Variants in FBRSL1 observed in about 807,000 individuals in gnomAD.
The protein encoded by FBRSL1 is fibrosin like 1.
Under a neutral mutation model 89.6 loss-of-function variants are expected in FBRSL1, and 51 were observed. The observed-to-expected ratio is 0.57, with a 90% CI of 0.45 to 0.72. The LOEUF is 0.72. Ranked by LOEUF, FBRSL1 falls within the 30% of genes least tolerant of loss-of-function variation. The pLI is 0.00. For synonymous variants in FBRSL1, 779 were observed against 681.1 expected (o/e 1.14, Z -2.24); for missense variants, 1,618 against 1,451.8 (o/e 1.11, Z -1.86).
intron 15 of FBRSL1, among the ~76,000 whole-genome samples, chr12:132,577,546 T>C (rs1299119030): frequency 6.6e-6 from 1 of 152,008 alleles, no homozygotes; most frequent in East Asian, 1.9e-4. Flanking sequence ...TGGCCTGTAC[T>C]GTCCTCAGTA....
chr12:132,509,937 G>C (rs945195880), intron 2 of FBRSL1: 2 of 1,230,798 alleles, frequency 1.6e-6, no homozygotes, highest in Non-Finnish European at 2.0e-6. Context: ...GTGTCAGTAC[G>C]GCCAGCCCCG....
chr12:132,583,495 A>ACCTGCCG lies in FBRSL1; in HGVS notation c.2729_2735dup (p.Pro915ArgfsTer113). ...GAGCTGGAGCGCGCGCGGGCCCCGC[A>ACCTGCCG]CCTGCCGCCCGCCGCCCCCGCCTTG... On this transcript the variant is annotated frameshift_variant, in exon 19 of 19. Transcript: ENST00000680143. LOFTEE classifies it high-confidence loss of function. The ACCTGCCG allele has an allele frequency of 9.6e-7, 1 of 1,044,040 alleles. No homozygotes were observed. Among genetic ancestry groups the ACCTGCCG allele is most frequent in the Non-Finnish European group, 1.2e-6 (1 of 868,248 alleles). The allele number at this position is 1,044,040 out of a possible 1,614,324, so 64.7% of individuals were successfully genotyped here. A position where few individuals can be genotyped will look rare whatever the true frequency, so the allele number is the denominator to read the frequency against.
chr12:132,538,909 G>C (rs776815560), intron 4 of FBRSL1, among the ~76,000 whole-genome samples: 4 of 152,174 alleles, frequency 2.6e-5, no homozygotes, highest in African/African-American at 4.8e-5. Flanking sequence ...CGAGAGGAAG[G>C]TGGGCCTCAG....
intron 2 of FBRSL1, among the ~76,000 whole-genome samples, chr12:132,522,971 C>T (rs908206038): frequency 9.2e-5 from 14 of 152,214 alleles, no homozygotes; most frequent in Admixed American, 2.6e-4. Flanking sequence ...CTGCCCAGAA[C>T]GGTACCTGGC....
chr12:132,543,214 C>G (rs2037411820), intron 4 of FBRSL1, among the ~76,000 whole-genome samples: 1 of 152,236 alleles, frequency 6.6e-6, no homozygotes, highest in Non-Finnish European at 1.5e-5. Context: ...CTGCCACGCA[C>G]GTTGCCTCCT....
chr12:132,542,390 C>T (rs1165723994), intron 4 of FBRSL1, among the ~76,000 whole-genome samples: 1 of 152,232 alleles, frequency 6.6e-6, no homozygotes, highest in African/African-American at 2.4e-5. Context: ...CCATCCTGCC[C>T]ACACCTTGCC....
At chr12:132,562,248 T>G (rs575600573) in intron 5 of FBRSL1, among the ~76,000 whole-genome samples, 14 of 152,148 alleles carry the variant, frequency 9.2e-5, no homozygotes, top group Admixed American at 3.9e-4. Context: ...TGCCCCAACC[T>G]CCAGGCCCCC....
intron 4 of FBRSL1, among the ~76,000 whole-genome samples, chr12:132,538,067 C>T (rs1304781107): frequency 6.6e-6 from 1 of 152,160 alleles, no homozygotes; most frequent in Non-Finnish European, 1.5e-5. Context: ...ACCCAGATCC[C>T]TGGTCAGAGT....
Position 132,549,519 on chromosome 12 carries a change from C to T in FBRSL1, c.645+1487C>T, listed in dbSNP as rs1033538295. Among the ~76,000 whole-genome samples, 8 of 152,350 alleles carry T rather than the reference C, an allele frequency of 5.3e-5. No individual in the cohort carries two copies. The South Asian group carries it at 1.0e-3, about 20-fold the overall frequency. ...AAATAGCCACTCACCCCCTCCCCAC[C>T]TCCTTTCATTTAAAAGCAGTTTTTG... On this transcript the variant is annotated intron_variant, in intron 5 of 18. Transcript: ENST00000680143.
At chr12:132,503,972 GC>G (rs2033356631) in intron 1 of FBRSL1, among the ~76,000 whole-genome samples, 2 of 152,006 alleles carry the variant, frequency 1.3e-5, no homozygotes, top group Admixed American at 6.6e-5. Context: ...TCAGCCCCCT[GC>G]CCCCATGGAG....
At chr12:132,495,634 G>A (rs563829528) in intron 1 of FBRSL1, among the ~76,000 whole-genome samples, 43 of 152,320 alleles carry the variant, frequency 2.8e-4, no homozygotes, top group Non-Finnish European at 5.7e-4. Context: ...GAGCTGAGCC[G>A]GGGCCTGCCC....
At position 132,517,682 on chromosome 12, in the gene FBRSL1, G is replaced by A. The variant is rs116994631; in HGVS notation, c.490-8052G>A. Among the ~76,000 whole-genome samples the A allele has an allele frequency of 2.2e-4, 34 of 152,314 alleles. 1 individual carries two copies. The East Asian group carries it at 6.0e-3, about 27-fold the overall frequency. On this transcript the variant is annotated intron_variant, in intron 2 of 18. Coordinates refer to ENST00000680143, the MANE Select transcript of FBRSL1 (RefSeq NM_001367871.1). ...GGTGTAGCCACCCAGGCCTCTGGTG[G>A]CGTGTGCCTGAGGAGCCGAGCGGGC... is the stretch of plus-strand genomic sequence containing the variant.
chr12:132,545,567 G>C (rs1355483286), intron 4 of FBRSL1, among the ~76,000 whole-genome samples: 4 of 152,162 alleles, frequency 2.6e-5, no homozygotes, highest in African/African-American at 9.7e-5. Context: ...TCGCCTGTGT[G>C]GTCAGCCTGG....
rs1434485599 is a variant in FBRSL1 at position 132,510,967 on chromosome 12, GA to G, written c.489+2618del. Reference sequence around the variant, plus strand: ...GCGTGCTGTGTGTGCATGTGTGCGAGAGGGTGTGAGAGTGAGTGGCGTGCTG... The same window carrying G: ...GCGTGCTGTGTGTGCATGTGTGCGAGGGGTGTGAGAGTGAGTGGCGTGCTG... On this transcript the variant is annotated intron_variant, in intron 2 of 18. Transcript: ENST00000680143. 3 of 989,348 alleles carry G rather than the reference GA, an allele frequency of 3.0e-6. No individual in the cohort carries two copies. In the African/African-American group the frequency reaches 5.2e-5, roughly 17 times the overall value. The allele number at this position is 989,348 out of a possible 1,614,324, so 61.3% of individuals were successfully genotyped here. A position where few individuals can be genotyped will look rare whatever the true frequency, so the allele number is the denominator to read the frequency against.
At chr12:132,527,365 T>C (rs1210660396) in intron 3 of FBRSL1, among the ~76,000 whole-genome samples, 1 of 152,174 alleles carries the variant, frequency 6.6e-6, no homozygotes, top group Admixed American at 6.5e-5. Context: ...GGCGTCCCTG[T>C]GGGAGCCTCC....
intron 5 of FBRSL1, among the ~76,000 whole-genome samples, chr12:132,566,954 C>T (rs2039670021): frequency 6.6e-6 from 1 of 152,246 alleles, no homozygotes. Flanking sequence ...GCGAGGTGCC[C>T]TGCAGCCTTG....
At chr12:132,509,794 C>G in intron 2 of FBRSL1, 4 of 1,231,474 alleles carry the variant, frequency 3.2e-6, no homozygotes, top group Non-Finnish European at 4.0e-6. Flanking sequence ...CGCAGCCGGC[C>G]CCTGTGGTCG....
In FBRSL1 at chr12:132,508,138, C is replaced by T. The variant is rs2033907481; in HGVS notation, c.292-15C>T. ...GGTCCCGCCAATTAACTGGCGTTTC[C>T]CTGTCTCCCTGCAGAAGGATATGGC... On this transcript the variant is annotated splice_polypyrimidine_tract_variant and intron_variant, in intron 1 of 18. Transcript: ENST00000680143. 3 of 1,550,690 alleles carry T rather than the reference C, an allele frequency of 1.9e-6. No individual in the cohort carries two copies. Among genetic ancestry groups the T allele is most frequent in the Non-Finnish European group, 1.7e-6 (2 of 1,146,782 alleles).
At chr12:132,573,210 G>T (rs1389434417) in intron 11 of FBRSL1, among the ~76,000 whole-genome samples, 1 of 152,180 alleles carries the variant, frequency 6.6e-6, no homozygotes, top group African/African-American at 2.4e-5. Context: ...CCTCACCTGT[G>T]GGCCTCAGGT....
Sources: allele counts gnomAD v4.1 joint callset (sites outside exome capture counted in the v4.1 genomes callset), GRCh38; gene constraint gnomAD v4.1.1; transcripts MANE v1.5; gene names NCBI Gene and HGNC (gene_info 2026-07-23, HGNC 2026-07-21).